THOC2: variants seen among roughly 807,000 people sequenced by gnomAD.
The protein encoded by THOC2 is THO complex subunit 2, also known as THO complex 2.
Under a neutral mutation model 128.4 loss-of-function variants are expected in THOC2, and 10 were observed. That is an observed-to-expected ratio of 0.08 (90% CI 0.05 to 0.13). The LOEUF (loss-of-function observed/expected upper bound fraction) is 0.13, where lower values mean the gene tolerates loss of function less well. Ranked by LOEUF, THOC2 falls within the 10% of genes least tolerant of loss-of-function variation. The pLI is 1.00. For missense variants in THOC2, 535 were observed against 1,155.7 expected (o/e 0.46, Z 7.79); for synonymous variants, 393 against 396.9 (o/e 0.99, Z 0.12).
intron 8 of THOC2, among the ~76,000 whole-genome samples, chrX:123,685,400 G>A (rs773890351): frequency 8.9e-6 from 1 of 112,061 alleles, no homozygotes; most frequent in Non-Finnish European, 1.9e-5. Flanking sequence ...AGTCAGCTAA[G>A]CCTTTACAGA....
intron 1 of THOC2, among the ~76,000 whole-genome samples, chrX:123,724,144 C>G (rs1445738843): frequency 9.0e-6 from 1 of 111,432 alleles, no homozygotes; most frequent in Non-Finnish European, 1.9e-5. Context: ...AATTTTAAGA[C>G]TTACAGAACC....
At position 123,626,106 on chromosome X, in the gene THOC2, T is replaced by A. The variant is rs756097459; in HGVS notation, c.2900-37A>T. The A allele has an allele frequency of 3.2e-5, 34 of 1,070,065 alleles. No individual in the cohort carries two copies. The South Asian group carries it at 4.7e-4, about 15-fold the overall frequency. The allele number at this position is 1,070,065 out of a possible 1,213,427, so 88.2% of individuals were successfully genotyped here. On this transcript the variant is annotated intron_variant, in intron 24 of 38. Coordinates refer to ENST00000245838, the MANE Select transcript of THOC2 (RefSeq NM_001081550.2). ...GGAAGAATATATTAAGTGGTAAACT[T>A]CTTCCCCAAGTGCCTCAAAGCCACT...
In THOC2 at chrX:123,702,961, T is replaced by C. The variant is rs758614005; in HGVS notation, c.274+493A>G. Among the ~76,000 whole-genome samples, 7 of 111,660 alleles carry C rather than the reference T, an allele frequency of 6.3e-5. No homozygotes were observed. In the South Asian group the frequency reaches 2.6e-3, roughly 42 times the overall value. On this transcript the variant is annotated intron_variant, in intron 4 of 38. Transcript: ENST00000245838. ...ATCTTGCATGAACCCTTATTTATTC[T>C]GGAAAAATAAAGAAGTTGCTATTCC...
At chrX:123,666,385 G>T (rs2049051820) in intron 11 of THOC2, among the ~76,000 whole-genome samples, 1 of 111,600 alleles carries the variant, frequency 9.0e-6, no homozygotes, top group Non-Finnish European at 1.9e-5. Context: ...CATACCCAGA[G>T]TTCTCACCTG....
At chrX:123,667,755 T>G (rs190426986) in intron 10 of THOC2, among the ~76,000 whole-genome samples, 2 of 108,738 alleles carry the variant, frequency 1.8e-5, no homozygotes, top group Admixed American at 2.0e-4. Flanking sequence ...AATAATAAAT[T>G]TATTAAAAAA....
At chrX:123,623,485 C>T (rs2047157613) in intron 28 of THOC2, 1 of 563,474 alleles carries the variant, frequency 1.8e-6, no homozygotes, top group African/African-American at 2.7e-5. Flanking sequence ...ATAAACTAAT[C>T]CTTAAACTAA....
At chrX:123,671,516 G>A (rs1333349336) in intron 9 of THOC2, among the ~76,000 whole-genome samples, 153 bp downstream of exon 9, 1 of 112,090 alleles carries the variant, frequency 8.9e-6, no homozygotes, top group Non-Finnish European at 1.9e-5. Flanking sequence ...ACTTTATAAA[G>A]TAAACACAAA....
At position 123,644,590 on chromosome X, in the gene THOC2, G is replaced by A; in HGVS notation, c.1646C>T (p.Ala549Val). The A allele has an allele frequency of 8.5e-7, 1 of 1,182,920 alleles. No homozygotes were observed. Among genetic ancestry groups the A allele is most frequent in the Non-Finnish European group, 1.1e-6 (1 of 876,451 alleles). ...TAAAACTTACTTCATGATATATTTG[G>A]CTCTGTCTATTGTTTGAGCTTTAAC... ...VKVKAQTIDRAKYIMKRLTKE... is the reference protein window; with the variant it reads ...VKVKAQTIDRVKYIMKRLTKE... The change falls in exon 15 of 39, where the codon GCC becomes GTC. Residue 549 changes from alanine to valine, a missense_variant. Around this residue, in one of 9 missense-constraint regions of THOC2, gnomAD observed 197 missense variants for 313.4 expected, o/e 0.63. Transcript: ENST00000245838.
chrX:123,660,191 C>T (rs976496366), intron 12 of THOC2, among the ~76,000 whole-genome samples: 3 of 111,361 alleles, frequency 2.7e-5, no homozygotes, highest in Non-Finnish European at 3.8e-5. Context: ...TAGGGCAGAA[C>T]GGGTGTACAG....
At chrX:123,678,755 T>C (rs913348492) in intron 8 of THOC2, among the ~76,000 whole-genome samples, 12 of 110,408 alleles carry the variant, frequency 1.1e-4, no homozygotes, top group African/African-American at 4.0e-4. Context: ...CGAAACATCA[T>C]TGTGCAGCAC....
chrX:123,623,501 CT>C (rs61439088), intron 28 of THOC2: 18,840 of 424,596 alleles, frequency 0.044, 30 homozygotes, highest in Admixed American at 0.09. Context: ...ACTAAGATGG[CT>C]TTTTTTTTTT....
intron 37 of THOC2, 89 bp downstream of exon 37, chrX:123,611,351 A>G: frequency 2.8e-6 from 2 of 701,947 alleles, no homozygotes; most frequent in East Asian, 6.5e-5. Flanking sequence ...AAGCATATAA[A>G]CCACATACTA....
intron 38 of THOC2, among the ~76,000 whole-genome samples, chrX:123,606,774 G>A (rs1246514971): frequency 8.9e-6 from 1 of 111,838 alleles, no homozygotes; most frequent in African/African-American, 3.2e-5. Flanking sequence ...TGGAGGATTA[G>A]AATAGGAATG....
chrX:123,633,823 G>A (rs1215183262), intron 20 of THOC2, 130 bp downstream of exon 20: 2 of 413,332 alleles, frequency 4.8e-6, no homozygotes, highest in Non-Finnish European at 8.3e-6. Context: ...GGCAGGGGTG[G>A]TTGTGAAAGG....
At chrX:123,660,152 C>T (rs1331685066) in intron 12 of THOC2, among the ~76,000 whole-genome samples, 1 of 111,676 alleles carries the variant, frequency 9.0e-6, no homozygotes, top group Non-Finnish European at 1.9e-5. Flanking sequence ...CAAGAATAGA[C>T]TGGAGTTAAC....
chrX:123,611,903 T>G (rs1465659075), intron 36 of THOC2, among the ~76,000 whole-genome samples: 2 of 108,738 alleles, frequency 1.8e-5, no homozygotes, highest in Non-Finnish European at 3.8e-5. Context: ...AAATGGCCAA[T>G]AAGCACATGA....
chrX:123,623,689 G>T, intron 28 of THOC2, 98 bp downstream of exon 28: 1 of 1,195,852 alleles, frequency 8.4e-7, no homozygotes, highest in South Asian at 1.8e-5. Context: ...ATCTCCTGAA[G>T]GCAGAAGATA....
chrX:123,666,780 T>C (rs2147802072), intron 11 of THOC2, among the ~76,000 whole-genome samples: 1 of 111,404 alleles, frequency 9.0e-6, no homozygotes, highest in African/African-American at 3.3e-5. Context: ...CAGGAATTCT[T>C]TGCCCCTCCC....
chrX:123,688,397 T>C (rs73546097), intron 7 of THOC2, among the ~76,000 whole-genome samples: 271 of 112,117 alleles, frequency 2.4e-3, no homozygotes, highest in African/African-American at 8.2e-3. Flanking sequence ...ATTCCATTTA[T>C]AGACAAATTC....
Sources: gnomAD v4.1 joint callset for allele counts (sites outside exome capture counted in the v4.1 genomes callset) on GRCh38, gnomAD v4.1.1 for gene constraint, gnomAD v4.1.1 regional missense constraint, MANE v1.5 for transcripts, NCBI Gene and HGNC (gene_info 2026-07-23, HGNC 2026-07-21) for gene names.